The following BPI variants were observed in gnomAD, a reference collection of about 807,000 sequenced individuals.
The protein encoded by BPI is bactericidal permeability increasing protein.
In BPI, 48 loss-of-function variants were observed where a neutral mutation model predicts 57.6. The ratio of observed to expected loss-of-function variants is 0.83; its 90% confidence interval spans 0.66 to 1.06. The LOEUF is 1.06. Among genes scored for constraint, BPI ranks in the 50% least tolerant of loss-of-function variants. The pLI is 0.00. For synonymous variants in BPI, 237 were observed against 238.2 expected (o/e 0.99, Z 0.05); for missense variants, 651 against 609.7 (o/e 1.07, Z -0.71).
chr20:38,307,701 A>C lies in BPI; in HGVS notation c.245+20A>C. The C allele has an allele frequency of 1.0e-4, 165 of 1,573,602 alleles. No homozygotes were observed. The highest frequency in any genetic ancestry group is 1.7e-4 in the Middle Eastern group (1 of 6,002). ...CTACAGGTGAGGCCTATCAGAGCTC[A>C]ATCCTCGATTTGCAGGACTTGTAGT... On this transcript the variant is annotated intron_variant, in intron 2 of 14. Transcript: ENST00000642449.
At chr20:38,309,111 G>A (rs1173585385) in intron 3 of BPI, 53 bp downstream of exon 3, 27 of 1,608,524 alleles carry the variant, frequency 1.7e-5, no homozygotes, top group African/African-American at 1.1e-4. Flanking sequence ...ATATTTGGAC[G>A]GGATTAGAGA....
chr20:38,308,371 C>T (rs1165471031), intron 2 of BPI, among the ~76,000 whole-genome samples: 1 of 152,186 alleles, frequency 6.6e-6, no homozygotes, highest in Non-Finnish European at 1.5e-5. Context: ...GAGGGGCTTC[C>T]CCTAAATAAT....
At chr20:38,331,139 G>C (rs780979626) in intron 12 of BPI, 49 bp downstream of exon 12, 1 of 1,579,238 alleles carries the variant, frequency 6.3e-7, no homozygotes, top group Non-Finnish European at 8.7e-7. Context: ...ACCTGGCGGC[G>C]GGGAGGGGGA....
rs1449450814 is a variant in BPI, at chr20:38,310,536, T to G, written c.420T>G (p.Ile140Met). 1.2e-6 allele frequency: 2 copies of G among 1,614,126 alleles called. No individual in the cohort carries two copies. The highest frequency in any genetic ancestry group is 1.7e-6 in the Non-Finnish European group (2 of 1,180,010). Residue 140 changes from isoleucine (I) to methionine (M), a missense_variant, in exon 4 of 15, where the codon ATT (isoleucine) becomes ATG (methionine). By Grantham distance (10) the Ile-to-Met change is conservative. Coordinates refer to ENST00000642449, the MANE Select transcript of BPI (RefSeq NM_001725.3). Reference protein sequence around the residue: ...NFDLSIEGMSISADLKLGSNP... With the variant: ...NFDLSIEGMSMSADLKLGSNP... Reference sequence around the variant, plus strand: ...ACCTGAGCATAGAAGGCATGTCCATTTCGGCTGATCTGAAGCTGGGCAGTA... The same window carrying G: ...ACCTGAGCATAGAAGGCATGTCCATGTCGGCTGATCTGAAGCTGGGCAGTA...
chr20:38,308,583 C>G (rs1412123540), intron 2 of BPI, among the ~76,000 whole-genome samples: 1 of 152,158 alleles, frequency 6.6e-6, no homozygotes, highest in Non-Finnish European at 1.5e-5. Context: ...AGTGAAAGGG[C>G]CTTCTATTTT....
At chr20:38,308,560 G>A (rs1241497042) in intron 2 of BPI, among the ~76,000 whole-genome samples, 1 of 152,234 alleles carries the variant, frequency 6.6e-6, no homozygotes, top group Non-Finnish European at 1.5e-5. Flanking sequence ...GAGCTCTTCT[G>A]TACAGAGCTT....
chr20:38,307,185 C>T (rs1211576953), intron 1 of BPI, among the ~76,000 whole-genome samples: 3 of 152,034 alleles, frequency 2.0e-5, no homozygotes, highest in Non-Finnish European at 2.9e-5. Flanking sequence ...GGCGACACAG[C>T]GAGACCCTGT....
At position 38,310,582 on chromosome 20, in the gene BPI, A is replaced by G; in HGVS notation, c.466A>G (p.Thr156Ala). The G allele has an allele frequency of 6.2e-7, 1 of 1,614,204 alleles. No homozygotes were observed. The highest frequency in any genetic ancestry group is 8.5e-7 in the Non-Finnish European group (1 of 1,180,022). ...CAGTAACCCCACGTCAGGCAAGCCC[A>G]CCATCACCTGCTCCAGCTGCAGCAG... is the stretch of plus-strand genomic sequence containing the variant. Reference protein sequence around the residue: ...LGSNPTSGKPTITCSSCSSHI... With the variant: ...LGSNPTSGKPAITCSSCSSHI... Residue 156 changes from threonine (T) to alanine (A), a missense_variant, in exon 4 of 15, where the codon ACC (threonine) becomes GCC (alanine). Coordinates refer to ENST00000642449, the MANE Select transcript of BPI (RefSeq NM_001725.3).
At chr20:38,334,397 G>A (rs1352101459) in intron 12 of BPI, 33 bp from the exon 13 acceptor site, 2 of 1,597,060 alleles carry the variant, frequency 1.3e-6, no homozygotes, top group South Asian at 2.2e-5. Context: ...TGGCGATGCA[G>A]GGCCATCCTC....
chr20:38,324,867 C>A, intron 9 of BPI, 34 bp downstream of exon 9: 1 of 1,560,776 alleles, frequency 6.4e-7, no homozygotes, highest in Non-Finnish European at 8.8e-7. Context: ...TAGTGAGCCC[C>A]GGGGGTTCTG....
chr20:38,326,184 T>C (rs769801561), intron 9 of BPI, 81 bp from the exon 10 acceptor site: 17 of 1,399,984 alleles, frequency 1.2e-5, no homozygotes, highest in Non-Finnish European at 1.6e-5. Flanking sequence ...GGTATTTAAG[T>C]AGGGGCAGGC....
chr20:38,315,825 CTTTTCTTTTCT>C (rs924102138), intron 5 of BPI, among the ~76,000 whole-genome samples: 3 of 135,136 alleles, frequency 2.2e-5, no homozygotes, highest in African/African-American at 8.1e-5. Context: ...CCTTTCTTTT[CTTTTCTTTTCT>C]TTTTTTTTTT....
At chr20:38,320,397 C>T (rs1275798091) in intron 7 of BPI, 123 bp downstream of exon 7, 7 of 847,946 alleles carry the variant, frequency 8.3e-6, no homozygotes, top group Non-Finnish European at 1.3e-5. Context: ...CCACCACCCT[C>T]TCTACTCTCC....
chr20:38,336,210 C>T (rs976802621), intron 14 of BPI, among the ~76,000 whole-genome samples: 1 of 151,912 alleles, frequency 6.6e-6, no homozygotes, highest in African/African-American at 2.4e-5. Context: ...TGTCTACCTG[C>T]CACCTCCTCT....
At position 38,304,229 on chromosome 20, in the gene BPI, C is replaced by T; in HGVS notation, c.6C>T (p.Ala2=). 1 of 1,614,184 alleles carries T rather than the reference C, an allele frequency of 6.2e-7. No homozygotes were observed. The highest frequency in any genetic ancestry group is 8.5e-7 in the Non-Finnish European group (1 of 1,180,038). ...TCTGGAGGATGAGAGAGAACATGGCCAGGGGCCCTTGCAACGCGCCGAGAT... is the reference window on the plus strand; with the variant it reads ...TCTGGAGGATGAGAGAGAACATGGCTAGGGGCCCTTGCAACGCGCCGAGAT... M[A]RGPCNAPRWA... Residue 2 remains alanine, a synonymous_variant, in exon 1 of 15, where the codon GCC becomes GCT. Coordinates refer to ENST00000642449, the MANE Select transcript of BPI (RefSeq NM_001725.3).
At chr20:38,328,528 A>C (rs960178677) in intron 11 of BPI, among the ~76,000 whole-genome samples, 5 of 151,504 alleles carry the variant, frequency 3.3e-5, no homozygotes, top group African/African-American at 1.2e-4. Flanking sequence ...CCAGCCTGGG[A>C]GACAGAGTGA....
At chr20:38,324,549 C>T (rs1454769485) in intron 8 of BPI, among the ~76,000 whole-genome samples, 4 of 152,222 alleles carry the variant, frequency 2.6e-5, no homozygotes, top group South Asian at 2.1e-4. Context: ...AACAAGCAGG[C>T]GGTCACTGAC....
In BPI at chr20:38,304,250, G is replaced by A. The variant is rs768049988; in HGVS notation, c.27G>A (p.Pro9=). ...TGGCCAGGGGCCCTTGCAACGCGCCGAGATGGGCGTCCCTGATGGTGCTGG... is the reference window on the plus strand; with the variant it reads ...TGGCCAGGGGCCCTTGCAACGCGCCAAGATGGGCGTCCCTGATGGTGCTGG... The part of the protein sequence containing the change: MARGPCNA[P]RWASLMVLVA... Residue 9 remains proline (P), a synonymous_variant, in exon 1 of 15, where the codon CCG becomes CCA. Transcript: ENST00000642449. The A allele has an allele frequency of 3.0e-5, 49 of 1,614,194 alleles. No individual in the cohort carries two copies. Among genetic ancestry groups the A allele is most frequent in the South Asian group, 1.4e-4 (13 of 91,084 alleles).
intron 12 of BPI, among the ~76,000 whole-genome samples, chr20:38,333,283 G>A (rs1323628444): frequency 1.3e-5 from 2 of 152,078 alleles, no homozygotes; most frequent in Non-Finnish European, 2.9e-5. Context: ...ATAGGAAGGA[G>A]GGCACTGCAT....
Sources: gnomAD v4.1 joint callset for allele counts (sites outside exome capture counted in the v4.1 genomes callset) on GRCh38, gnomAD v4.1.1 for gene constraint, MANE v1.5 for transcripts, NCBI Gene and HGNC (gene_info 2026-07-23, HGNC 2026-07-21) for gene names.